ZFHX3: variants seen among roughly 807,000 people sequenced by gnomAD.
The protein encoded by ZFHX3 is zinc finger homeobox protein 3.
Under a neutral mutation model 279.1 loss-of-function variants are expected in ZFHX3, and 42 were observed. The ratio of observed to expected loss-of-function variants is 0.15; its 90% CI spans 0.12 to 0.19. The LOEUF is 0.19. Among genes scored for constraint, ZFHX3 ranks in the 10% least tolerant of loss-of-function variants. The pLI, the probability that ZFHX3 is intolerant of heterozygous loss-of-function variation, is 1.00. For missense variants in ZFHX3, 4,981 were observed against 4,754.0 expected (o/e 1.05, Z -1.40); for synonymous variants, 2,293 against 1,957.8 (o/e 1.17, Z -4.52).
At chr16:72,900,048 T>G (rs1391149413) in intron 3 of ZFHX3, among the ~76,000 whole-genome samples, 1 of 142,856 alleles carries the variant, frequency 7.0e-6, no homozygotes, top group African/African-American at 2.7e-5. Flanking sequence ...AGGGCTGCCT[T>G]CACCCTTACA....
At chr16:72,788,910 G>A (rs1189331642) in intron 9 of ZFHX3, 62 bp from the exon 10 acceptor site, 1 of 1,501,842 alleles carries the variant, frequency 6.7e-7, no homozygotes. Flanking sequence ...TGAAGCTCAA[G>A]ACGTTTTACC....
At chr16:73,050,325 T>C (rs1032376186), upstream of ZFHX3, among the ~76,000 whole-genome samples, 1 of 152,240 alleles carries the variant, frequency 6.6e-6, no homozygotes, top group Non-Finnish European at 1.5e-5. Flanking sequence ...GCAACCTGCC[T>C]CCTGCACTTG....
chr16:73,730,988 CAAT>C (rs1209896785), intron 1 of ZFHX3, among the ~76,000 whole-genome samples: 2 of 152,168 alleles, frequency 1.3e-5, no homozygotes, highest in African/African-American at 4.8e-5. Flanking sequence ...ACTTGAAAAT[CAAT>C]GATGTCAGTC....
chr16:72,846,475 G>A (rs867871909), intron 4 of ZFHX3, among the ~76,000 whole-genome samples: 11 of 152,160 alleles, frequency 7.2e-5, no homozygotes, highest in Admixed American at 2.0e-4. Context: ...TGCAGGCCAC[G>A]GGCACTGTGA....
chr16:73,625,949 C>A (rs1461116006), intron 2 of ZFHX3, among the ~76,000 whole-genome samples: 1 of 152,186 alleles, frequency 6.6e-6, no homozygotes, highest in African/African-American at 2.4e-5. Flanking sequence ...GCTCCGCCTC[C>A]CGGGTTCATG....
At chr16:73,372,459 C>T (rs546653824) in intron 3 of ZFHX3, among the ~76,000 whole-genome samples, 2 of 152,182 alleles carry the variant, frequency 1.3e-5, no homozygotes, top group South Asian at 4.1e-4. Flanking sequence ...CCCCCAAATT[C>T]AAATAAAGAA....
intron 2 of ZFHX3, among the ~76,000 whole-genome samples, chr16:73,523,210 G>T (rs2019636075): frequency 6.6e-6 from 1 of 152,214 alleles, no homozygotes. Context: ...TGGCAAATTT[G>T]TTATTCAGGC....
chr16:73,758,721 G>A (rs1344922705), intron 1 of ZFHX3, among the ~76,000 whole-genome samples: 1 of 152,158 alleles, frequency 6.6e-6, no homozygotes, highest in African/African-American at 2.4e-5. Context: ...ACTGCTGTAG[G>A]GAGTCCTCTG....
At chr16:73,350,826 G>C (rs905571264) in intron 3 of ZFHX3, among the ~76,000 whole-genome samples, 2 of 152,224 alleles carry the variant, frequency 1.3e-5, no homozygotes, top group Admixed American at 1.3e-4. Flanking sequence ...TCTCTTGGGA[G>C]AAATCTCTTT....
intron 4 of ZFHX3, among the ~76,000 whole-genome samples, chr16:72,851,877 A>G (rs2037627408): frequency 6.6e-6 from 1 of 152,190 alleles, no homozygotes; most frequent in South Asian, 2.1e-4. Context: ...TGCTGTAATA[A>G]TAAGGCATGC....
chr16:73,868,419 G>A (rs1475489826), intron 1 of ZFHX3, among the ~76,000 whole-genome samples: 1 of 152,222 alleles, frequency 6.6e-6, no homozygotes, highest in Non-Finnish European at 1.5e-5. Context: ...AGCTACTCGG[G>A]AGGCCGAGAC....
At chr16:73,375,994 C>T (rs991142143) in intron 3 of ZFHX3, among the ~76,000 whole-genome samples, 3 of 152,078 alleles carry the variant, frequency 2.0e-5, no homozygotes, top group African/African-American at 7.2e-5. Context: ...TTGGTTTATA[C>T]CTCTGTAAAT....
chr16:73,502,764 A>T (rs1271362346), intron 2 of ZFHX3, among the ~76,000 whole-genome samples: 1 of 152,206 alleles, frequency 6.6e-6, no homozygotes, highest in East Asian at 1.9e-4. Context: ...CACAGGCTGC[A>T]CACCCACTAG....
chr16:73,177,947 C>T (rs1329197505), intron 5 of ZFHX3, among the ~76,000 whole-genome samples: 4 of 151,734 alleles, frequency 2.6e-5, no homozygotes, highest in South Asian at 2.1e-4. Flanking sequence ...CAGTCAGCCT[C>T]ACGTGAAAAA....
chr16:73,241,959 A>C (rs929586482), intron 5 of ZFHX3, among the ~76,000 whole-genome samples: 1 of 152,210 alleles, frequency 6.6e-6, no homozygotes, highest in African/African-American at 2.4e-5. Flanking sequence ...TCTTCTGTGA[A>C]ATGGGACCCT....
intron 2 of ZFHX3, among the ~76,000 whole-genome samples, chr16:73,614,964 T>G (rs2052284944): frequency 1.3e-5 from 2 of 152,032 alleles, no homozygotes; most frequent in African/African-American, 4.8e-5. Flanking sequence ...TTTGCCATGT[T>G]GCCCAGGCTG....
At chr16:73,371,945 T>C (rs1319658360) in intron 3 of ZFHX3, among the ~76,000 whole-genome samples, 1 of 152,226 alleles carries the variant, frequency 6.6e-6, no homozygotes, top group African/African-American at 2.4e-5. Flanking sequence ...TCTTCACTCT[T>C]TTTCAAGCCT....
At chr16:72,961,161 G>A (rs1002483484) in intron 1 of ZFHX3, among the ~76,000 whole-genome samples, 6 of 152,142 alleles carry the variant, frequency 3.9e-5, no homozygotes, top group Admixed American at 2.6e-4. Context: ...CGTTCCCCAC[G>A]TGCCTGGTGG....
intron 3 of ZFHX3, among the ~76,000 whole-genome samples, chr16:73,358,080 G>A (rs948974284): frequency 2.2e-4 from 34 of 152,202 alleles, no homozygotes; most frequent in African/African-American, 8.0e-4. Context: ...GCCTGGGCAT[G>A]GAGCTGGGCT....
Sources: allele counts gnomAD v4.1 joint callset (sites outside exome capture counted in the v4.1 genomes callset), GRCh38; gene constraint gnomAD v4.1.1; transcripts MANE v1.5; gene names NCBI Gene and HGNC (gene_info 2026-07-23, HGNC 2026-07-21).